The following CYP4X1 variants were observed in gnomAD, a reference collection of about 807,000 sequenced individuals.
CYP4X1 encodes the protein cytochrome P450 family 4 subfamily X member 1, also known as cytochrome P450 4X1.
CYP4X1 carries 44 observed loss-of-function variants against 57.9 expected under a neutral mutation model. The ratio of observed to expected loss-of-function variants is 0.76; its 90% CI spans 0.60 to 0.98. The LOEUF is 0.98. Ranked by LOEUF, CYP4X1 falls within the 50% of genes least tolerant of loss-of-function variation. The pLI, the probability that CYP4X1 is intolerant of heterozygous loss-of-function variation, is 0.00. For missense variants in CYP4X1, 532 were observed against 623.9 expected (o/e 0.85, Z 1.57); for synonymous variants, 227 against 228.6 (o/e 0.99, Z 0.06).
chr1:47,037,325 G>A lies in CYP4X1; in HGVS notation c.775+1154G>A, dbSNP rs907386792. ...GAGTCTCTATCACTCAGGCTGGAGC[G>A]CAGTGGTGTGATCTCAGCTCACTAC... On this transcript the variant is annotated intron_variant, in intron 6 of 11. Transcript: ENST00000371901. Among the ~76,000 whole-genome samples the A allele has an allele frequency of 4.2e-5, 6 of 143,140 alleles. No individual in the cohort carries two copies. The East Asian group carries it at 8.4e-4, about 20-fold the overall frequency. The allele number at this position is 143,140 out of a possible 152,430, so 93.9% of individuals were successfully genotyped here.
At chr1:46,970,284 G>A in the CYP4X1 span, among the ~76,000 whole-genome samples, 5 of 152,332 alleles carry the variant, frequency 3.3e-5, no homozygotes, top group African/African-American at 9.6e-5. Context: ...AAGACCCACT[G>A]ACAGTAAATG....
chr1:47,017,149 T>C, the CYP4X1 span, among the ~76,000 whole-genome samples: 3 of 152,244 alleles, frequency 2.0e-5, no homozygotes, highest in African/African-American at 7.2e-5. Flanking sequence ...TTGCAAACAG[T>C]GCTGCAACAA....
chr1:47,013,941 AT>A, the CYP4X1 span, among the ~76,000 whole-genome samples: 3 of 151,566 alleles, frequency 2.0e-5, no homozygotes, highest in Non-Finnish European at 4.4e-5. Flanking sequence ...TGTCTGGCTA[AT>A]TTTTTTATTT....
At chr1:46,962,538 G>T in the CYP4X1 span, among the ~76,000 whole-genome samples, 1 of 152,178 alleles carries the variant, frequency 6.6e-6, no homozygotes, top group East Asian at 1.9e-4. Flanking sequence ...CCATGGCAAA[G>T]AAGTTAAAAA....
At chr1:47,031,512 C>T in intron 3 of CYP4X1, 32 bp downstream of exon 3, 1 of 1,608,708 alleles carries the variant, frequency 6.2e-7, no homozygotes, top group Non-Finnish European at 8.5e-7. Flanking sequence ...GTATAACCCA[C>T]TCTCATTCAA....
At chr1:47,018,007 G>A in the CYP4X1 span, among the ~76,000 whole-genome samples, 4 of 152,150 alleles carry the variant, frequency 2.6e-5, no homozygotes, top group Non-Finnish European at 5.9e-5. Flanking sequence ...ATAACATAGG[G>A]ATTGTCCTAG....
chr1:47,030,141 G>A lies in CYP4X1; in HGVS notation c.319+10G>A, dbSNP rs747556911. 4.6e-5 allele frequency: 74 copies of A among 1,605,334 alleles called. 1 individual carries two copies. In the South Asian group the frequency reaches 5.2e-4, roughly 11 times the overall value. ...CTTCTGAGCAGAACAGGTAAGAAGAGGGGGAAAGCTCTGGGACCTATTCCT... is the reference window on the plus strand; with the variant it reads ...CTTCTGAGCAGAACAGGTAAGAAGAAGGGGAAAGCTCTGGGACCTATTCCT... On this transcript the variant is annotated intron_variant, in intron 2 of 11. Transcript: ENST00000371901.
the CYP4X1 span, among the ~76,000 whole-genome samples, chr1:47,008,520 G>C: frequency 6.6e-6 from 1 of 152,104 alleles, no homozygotes; most frequent in Non-Finnish European, 1.5e-5. Context: ...ATCAACTAAT[G>C]AGCAAAATAA....
At chr1:47,052,283 T>C (rs757315684), downstream of CYP4X1, among the ~76,000 whole-genome samples, 2 of 152,140 alleles carry the variant, frequency 1.3e-5, no homozygotes, top group Non-Finnish European at 2.9e-5. Flanking sequence ...TGAAATCATT[T>C]TTTCGAAATA....
chr1:47,046,053 A>C (rs1230914588), intron 8 of CYP4X1, among the ~76,000 whole-genome samples: 1 of 152,184 alleles, frequency 6.6e-6, no homozygotes, highest in African/African-American at 2.4e-5. Context: ...AGATGGGGGA[A>C]GCACCCTTCC....
chr1:47,051,399 C>G (rs1644359701), downstream of CYP4X1, among the ~76,000 whole-genome samples: 2 of 151,392 alleles, frequency 1.3e-5, no homozygotes, highest in South Asian at 4.2e-4. Context: ...AAAAGGACAC[C>G]AAACTTCTCA....
At chr1:46,967,725 G>T in the CYP4X1 span, 8 of 1,124,194 alleles carry the variant, frequency 7.1e-6, no homozygotes, top group Non-Finnish European at 9.6e-6. Flanking sequence ...TGAGATGCAG[G>T]TGGATTCCAC....
upstream of CYP4X1, among the ~76,000 whole-genome samples, chr1:47,019,659 AG>A (rs1455483698): frequency 2.0e-5 from 3 of 152,164 alleles, no homozygotes; most frequent in African/African-American, 7.2e-5. Flanking sequence ...TGATCTCCCT[AG>A]TTCTAGTCTT....
At chr1:47,042,286 CTTTT>C (rs3073873) in intron 8 of CYP4X1, among the ~76,000 whole-genome samples, 1 of 136,612 alleles carries the variant, frequency 7.3e-6, no homozygotes, top group Non-Finnish European at 1.6e-5. Flanking sequence ...AATTTTAGGG[CTTTT>C]TTTTTTTTTC....
chr1:47,002,462 A>G, the CYP4X1 span, among the ~76,000 whole-genome samples: 2 of 152,202 alleles, frequency 1.3e-5, no homozygotes, highest in African/African-American at 4.8e-5. Context: ...CCTGGGATAA[A>G]CCAATGCCTA....
At chr1:47,035,966 T>G (rs1358125261) in intron 5 of CYP4X1, 33 bp downstream of exon 5, 3 of 1,611,620 alleles carry the variant, frequency 1.9e-6, no homozygotes, top group Admixed American at 1.7e-5. Context: ...AGATATTTCT[T>G]CACATTTTCT....
the CYP4X1 span, among the ~76,000 whole-genome samples, chr1:46,991,290 C>T: frequency 6.6e-6 from 1 of 152,150 alleles, no homozygotes; most frequent in Non-Finnish European, 1.5e-5. Flanking sequence ...ATTTTAATGA[C>T]CAGTTGACAT....
chr1:47,054,284 GT>G (rs1350709519), downstream of CYP4X1, among the ~76,000 whole-genome samples: 5 of 152,046 alleles, frequency 3.3e-5, no homozygotes, highest in Non-Finnish European at 5.9e-5. Context: ...CTATATCTCT[GT>G]TTTGGTACCA....
At chr1:46,991,038 T>TAAA in the CYP4X1 span, among the ~76,000 whole-genome samples, 1 of 138,726 alleles carries the variant, frequency 7.2e-6, no homozygotes, top group African/African-American at 2.7e-5. Context: ...TCCCAGAACT[T>TAAA]AAAAAAAAAA....
Sources: allele counts gnomAD v4.1 joint callset (sites outside exome capture counted in the v4.1 genomes callset), GRCh38; gene constraint gnomAD v4.1.1; transcripts MANE v1.5; gene names NCBI Gene and HGNC (gene_info 2026-07-23, HGNC 2026-07-21).